The following INPP4B variants were observed in gnomAD, a reference collection of about 807,000 sequenced individuals.
INPP4B encodes inositol polyphosphate 4-phosphatase type II.
Under a neutral mutation model 122.5 loss-of-function variants are expected in INPP4B, and 55 were observed. The observed-to-expected ratio is 0.45, with a 90% CI of 0.36 to 0.56. The LOEUF is 0.56. Ranked by LOEUF, INPP4B falls within the 20% of genes least tolerant of loss-of-function variation. The pLI, the probability that INPP4B is intolerant of heterozygous loss-of-function variation, is 0.00. For synonymous variants in INPP4B, 403 were observed against 388.7 expected, an observed-to-expected ratio of 1.04 and a Z score of -0.43; for missense variants, 1,000 against 1,097.7, an observed-to-expected ratio of 0.91 and a Z score of 1.26.
chr4:142,667,582 T>C (rs550800773), intron 2 of INPP4B, among the ~76,000 whole-genome samples: 3 of 152,324 alleles, frequency 2.0e-5, no homozygotes, highest in Middle Eastern at 3.4e-3. Flanking sequence ...TGTGTCTCCA[T>C]CTGTGAGCAT....
chr4:142,843,425 G>T (rs574092874), intron 1 of INPP4B, among the ~76,000 whole-genome samples: 26 of 151,790 alleles, frequency 1.7e-4, no homozygotes, highest in Non-Finnish European at 3.4e-4. Context: ...GCTTTAGAAA[G>T]ATATACAGGA....
rs546162809 is a variant in INPP4B at position 142,481,005 on chromosome 4, C to T, written c.-190-18279G>A. Among the ~76,000 whole-genome samples the T allele has an allele frequency of 5.9e-5, 9 of 151,736 alleles. No homozygotes were observed. The East Asian group carries it at 1.6e-3, about 26-fold the overall frequency. On this transcript the variant is annotated intron_variant, in intron 2 of 25. Coordinates refer to ENST00000262992, the MANE Select transcript of INPP4B (RefSeq NM_001101669.3). ...TAAAAATTAGCTGGGCATGGTGGCACGAACCTATAGTCCCAGCTACTCGGG... is the reference window on the plus strand; with the variant it reads ...TAAAAATTAGCTGGGCATGGTGGCATGAACCTATAGTCCCAGCTACTCGGG...
At chr4:142,205,630 A>C (rs188998681) in intron 14 of INPP4B, among the ~76,000 whole-genome samples, 17 of 152,242 alleles carry the variant, frequency 1.1e-4, no homozygotes, top group African/African-American at 3.8e-4. Flanking sequence ...ACCCTAACTC[A>C]ATCAGGAATG....
intron 2 of INPP4B, among the ~76,000 whole-genome samples, chr4:142,644,740 T>TAA (rs55700762): frequency 0.054 from 3,828 of 70,982 alleles, 201 homozygotes; most frequent in African/African-American, 0.072. Context: ...CATCTCTACT[T>TAA]AAAAAAAAAA....
chr4:142,367,188 ATG>A (rs5862590), intron 7 of INPP4B, among the ~76,000 whole-genome samples: 2,847 of 132,766 alleles, frequency 0.021, 58 homozygotes, highest in East Asian at 0.064. Flanking sequence ...TACATGTAAT[ATG>A]TGTGTGTGTG....
chr4:142,601,514 A>G (rs1739902048), intron 2 of INPP4B, among the ~76,000 whole-genome samples: 1 of 151,744 alleles, frequency 6.6e-6, no homozygotes, highest in Admixed American at 6.6e-5. Flanking sequence ...AAATGGAAAC[A>G]TGACATACCA....
chr4:142,579,985 C>A (rs1185742470), intron 2 of INPP4B, among the ~76,000 whole-genome samples: 1 of 151,642 alleles, frequency 6.6e-6, no homozygotes, highest in East Asian at 1.9e-4. Context: ...TAGAAACCAG[C>A]AAATGCAGAG....
At chr4:142,522,381 G>A (rs1228781970) in intron 2 of INPP4B, among the ~76,000 whole-genome samples, 4 of 127,940 alleles carry the variant, frequency 3.1e-5, no homozygotes, top group African/African-American at 1.2e-4. Context: ...ATGTTGCCCA[G>A]GCTGGAGTGA....
intron 7 of INPP4B, among the ~76,000 whole-genome samples, chr4:142,401,890 G>T (rs1270809465): frequency 6.6e-6 from 1 of 152,146 alleles, no homozygotes; most frequent in Non-Finnish European, 1.5e-5. Context: ...TTAAAGAAAT[G>T]AACTTTTCTG....
At chr4:142,039,227 G>C (rs1328736099) in intron 25 of INPP4B, among the ~76,000 whole-genome samples, 1 of 152,054 alleles carries the variant, frequency 6.6e-6, no homozygotes, top group East Asian at 1.9e-4. Context: ...GTGGAGTTGG[G>C]GGCAAATTGG....
intron 12 of INPP4B, among the ~76,000 whole-genome samples, chr4:142,228,859 G>T (rs924848426): frequency 6.6e-6 from 1 of 151,716 alleles, no homozygotes; most frequent in Non-Finnish European, 1.5e-5. Flanking sequence ...AAGCATTTAT[G>T]TGTATTTGTG....
intron 3 of INPP4B, among the ~76,000 whole-genome samples, chr4:142,437,365 C>T (rs1810761516): frequency 6.6e-6 from 1 of 152,024 alleles, no homozygotes; most frequent in Admixed American, 6.6e-5. Flanking sequence ...ACTTCCCCAA[C>T]CTAGAAAGAC....
At chr4:142,644,741 A>T (rs1343824416) in intron 2 of INPP4B, among the ~76,000 whole-genome samples, 12 of 63,654 alleles carry the variant, frequency 1.9e-4, no homozygotes, top group Admixed American at 9.2e-4. Context: ...ATCTCTACTT[A>T]AAAAAAAAAA....
intron 12 of INPP4B, among the ~76,000 whole-genome samples, chr4:142,213,372 A>G (rs1001469305): frequency 6.6e-6 from 1 of 152,154 alleles, no homozygotes; most frequent in African/African-American, 2.4e-5. Flanking sequence ...GACAATAGCT[A>G]TATTAGCTTT....
intron 2 of INPP4B, among the ~76,000 whole-genome samples, chr4:142,565,818 G>A (rs1731497471): frequency 6.6e-6 from 1 of 152,148 alleles, no homozygotes; most frequent in African/African-American, 2.4e-5. Context: ...GACATCAAGA[G>A]TCTTCGGATA....
chr4:142,299,782 C>T (rs1018427052), intron 9 of INPP4B, among the ~76,000 whole-genome samples: 2 of 151,972 alleles, frequency 1.3e-5, no homozygotes, highest in Non-Finnish European at 2.9e-5. Context: ...TAGAATCTTA[C>T]TTTCTGGTAC....
chr4:142,389,956 A>T (rs867531009), intron 7 of INPP4B, among the ~76,000 whole-genome samples: 59 of 152,248 alleles, frequency 3.9e-4, no homozygotes, highest in African/African-American at 1.3e-3. Flanking sequence ...GTTTGTAAAA[A>T]TTAATCTTGT....
At chr4:142,723,195 A>G (rs1764911938) in intron 2 of INPP4B, among the ~76,000 whole-genome samples, 1 of 152,134 alleles carries the variant, frequency 6.6e-6, no homozygotes, top group Admixed American at 6.5e-5. Flanking sequence ...CCTACAGTAC[A>G]TAAAAGAATT....
At chr4:142,705,740 T>G (rs766039615) in intron 2 of INPP4B, among the ~76,000 whole-genome samples, 43 of 152,310 alleles carry the variant, frequency 2.8e-4, no homozygotes, top group Non-Finnish European at 5.7e-4. Flanking sequence ...CTGGCATTAT[T>G]ATAAACTCCA....
Sources: gnomAD v4.1 joint callset for allele counts (sites outside exome capture counted in the v4.1 genomes callset) on GRCh38, gnomAD v4.1.1 for gene constraint, MANE v1.5 for transcripts, NCBI Gene and HGNC (gene_info 2026-07-23, HGNC 2026-07-21) for gene names.